Variants in PLCL1 observed in about 807,000 individuals in gnomAD.
PLCL1 encodes phospholipase C like 1 (inactive), also known as inactive phospholipase C-like protein 1.
Under a neutral mutation model 84.4 loss-of-function variants are expected in PLCL1, and 41 were observed. That is an observed-to-expected ratio of 0.49 (90% CI 0.38 to 0.63). The LOEUF is 0.63. Among genes scored for constraint, PLCL1 ranks in the 30% least tolerant of loss-of-function variants. PLCL1 has a pLI of 0.00. For missense variants in PLCL1, 1,206 were observed against 1,367.8 expected, an observed-to-expected ratio of 0.88 and a Z score of 1.87; for synonymous variants, 490 against 488.3, an observed-to-expected ratio of 1.00 and a Z score of -0.05.
chr2:198,054,434 C>T (rs1692014526), intron 1 of PLCL1, among the ~76,000 whole-genome samples: 1 of 152,214 alleles, frequency 6.6e-6, no homozygotes, highest in African/African-American at 2.4e-5. Context: ...GGCGACAAGA[C>T]AAGTCTTAAC....
chr2:197,834,424 A>T (rs1691137194), intron 1 of PLCL1, among the ~76,000 whole-genome samples: 2 of 152,254 alleles, frequency 1.3e-5, no homozygotes, highest in African/African-American at 4.8e-5. Context: ...GCTAATATCC[A>T]GAATCTACAA....
intron 1 of PLCL1, among the ~76,000 whole-genome samples, chr2:197,896,355 T>C (rs962551950): frequency 3.3e-5 from 5 of 151,926 alleles, no homozygotes; most frequent in African/African-American, 1.2e-4. Context: ...GTAGTATAAA[T>C]AAAAAACAAA....
chr2:197,980,433 T>C (rs150460452), intron 1 of PLCL1, among the ~76,000 whole-genome samples: 190 of 152,344 alleles, frequency 1.2e-3, no homozygotes, highest in African/African-American at 4.2e-3. Context: ...TATCATATTG[T>C]ATATCTGGTG....
rs559908769 is a variant in PLCL1, at chr2:198,119,221, T to C, written c.3105+15285T>C. On this transcript the variant is annotated intron_variant, in intron 5 of 5. Coordinates refer to ENST00000428675, the MANE Select transcript of PLCL1 (RefSeq NM_006226.4). ...TCAAATCTAATACATCCTTCTTGTGTAAGAAAATTTAATTAAATTCATTTA... is the reference window on the plus strand; with the variant it reads ...TCAAATCTAATACATCCTTCTTGTGCAAGAAAATTTAATTAAATTCATTTA... 2.3e-5 allele frequency among the ~76,000 whole-genome samples: 3 copies of C among 130,794 alleles called. No individual in the cohort carries two copies. The East Asian group carries it at 7.5e-4, about 32-fold the overall frequency. 85.8% of individuals were successfully genotyped at this position (130,794 alleles called of 152,430 possible).
At position 198,089,583 on chromosome 2, in the gene PLCL1, T is replaced by A. The variant is rs13416760; in HGVS notation, c.2919+522T>A. On this transcript the variant is annotated intron_variant, in intron 3 of 5. Transcript: ENST00000428675. ...AGATGTAAGACATAGCTTCTTCCTT[T>A]AAGGACGTTTCTCTGGAATAGAATA... Among the ~76,000 whole-genome samples the A allele has an allele frequency of 9.0e-3, 1,373 of 152,326 alleles. 25 individuals carry two copies. Among genetic ancestry groups the A allele is most frequent in the African/African-American group, 0.031 (1,285 of 41,562 alleles).
intron 1 of PLCL1, among the ~76,000 whole-genome samples, chr2:197,956,900 GC>G (rs1305871865): frequency 4.6e-5 from 7 of 151,972 alleles, no homozygotes; most frequent in African/African-American, 1.4e-4. Flanking sequence ...AATTTTCTTT[GC>G]TATGCAGAAG....
intron 1 of PLCL1, among the ~76,000 whole-genome samples, chr2:197,966,993 G>C (rs1574973482): frequency 6.6e-6 from 1 of 150,510 alleles, no homozygotes; most frequent in Non-Finnish European, 1.5e-5. Context: ...TTTTAAATCT[G>C]CCTGGGCCCT....
intron 1 of PLCL1, among the ~76,000 whole-genome samples, chr2:197,830,393 G>A (rs563279749): frequency 1.2e-4 from 18 of 151,730 alleles, no homozygotes; most frequent in African/African-American, 3.6e-4. Flanking sequence ...ATCACTAGCC[G>A]AATCGATCAA....
At chr2:197,831,354 A>G (rs1372791599) in intron 1 of PLCL1, among the ~76,000 whole-genome samples, 2 of 152,106 alleles carry the variant, frequency 1.3e-5, no homozygotes, top group African/African-American at 2.4e-5. Context: ...GGAAAAAAAA[A>G]GCAGGGGTGG....
intron 1 of PLCL1, among the ~76,000 whole-genome samples, chr2:197,996,761 A>G (rs1361122159): frequency 6.6e-6 from 1 of 152,198 alleles, no homozygotes; most frequent in Non-Finnish European, 1.5e-5. Context: ...AATCAGCTGA[A>G]CAAATCACTA....
At chr2:197,922,886 G>T (rs1184968378) in intron 1 of PLCL1, among the ~76,000 whole-genome samples, 1 of 132,674 alleles carries the variant, frequency 7.5e-6, no homozygotes. Flanking sequence ...CAGACGGGGC[G>T]GCTGGCCGGG....
chr2:197,850,337 T>C (rs1000501446), intron 1 of PLCL1, among the ~76,000 whole-genome samples: 1 of 152,178 alleles, frequency 6.6e-6, no homozygotes, highest in Admixed American at 6.5e-5. Context: ...GTGAGCTAAG[T>C]GCTTTTTGGA....
intron 1 of PLCL1, among the ~76,000 whole-genome samples, chr2:197,806,403 T>G (rs976364296): frequency 2.0e-5 from 3 of 152,238 alleles, no homozygotes; most frequent in Non-Finnish European, 4.4e-5. Flanking sequence ...AGGGTTAAGC[T>G]GCGTAACCAG....
At chr2:198,096,447 T>C (rs1385031397) in intron 3 of PLCL1, among the ~76,000 whole-genome samples, 1 of 152,188 alleles carries the variant, frequency 6.6e-6, no homozygotes, top group Non-Finnish European at 1.5e-5. Context: ...TTTCATGCAG[T>C]CAAGAAGTAT....
At chr2:198,119,047 G>A (rs1371242408) in intron 5 of PLCL1, among the ~76,000 whole-genome samples, 3 of 151,944 alleles carry the variant, frequency 2.0e-5, no homozygotes, top group African/African-American at 7.2e-5. Flanking sequence ...AGAATCCAGA[G>A]TATTACATAC....
intron 3 of PLCL1, among the ~76,000 whole-genome samples, chr2:198,090,770 C>A (rs1693007372): frequency 6.6e-6 from 1 of 152,180 alleles, no homozygotes; most frequent in South Asian, 2.1e-4. Context: ...CAGTAGAAAT[C>A]ACTTATTCCT....
In PLCL1 at chr2:198,084,859, G is replaced by C. The variant is rs1448689170; in HGVS notation, c.1342G>C (p.Asp448His). The change falls in exon 2 of 6, where the codon GAT becomes CAT. Residue 448 changes from aspartate (D) to histidine (H), a missense_variant. Transcript: ENST00000428675. Reference protein sequence around the residue: ...GCRSVELDVSDGSDNEPILCN... With the variant: ...GCRSVELDVSHGSDNEPILCN... ...TCGAAGCGTTGAACTCGATGTAAGT[G>C]ATGGTTCAGATAATGAACCAATCCT... The C allele has an allele frequency of 6.2e-7, 1 of 1,613,958 alleles. No individual in the cohort carries two copies. Among genetic ancestry groups the C allele is most frequent in the Admixed American group, 1.7e-5 (1 of 59,982 alleles).
At chr2:198,025,192 C>T (rs902100045) in intron 1 of PLCL1, among the ~76,000 whole-genome samples, 24 of 151,992 alleles carry the variant, frequency 1.6e-4, no homozygotes, top group Non-Finnish European at 3.1e-4. Flanking sequence ...TTCTCTATAC[C>T]CTTTTAACAA....
chr2:198,050,940 G>A (rs762593179), intron 1 of PLCL1, among the ~76,000 whole-genome samples: 13 of 152,148 alleles, frequency 8.5e-5, no homozygotes, highest in South Asian at 2.1e-4. Flanking sequence ...TTGGGTTTCC[G>A]CAAATGGTCA....
Sources: allele counts gnomAD v4.1 joint callset (sites outside exome capture counted in the v4.1 genomes callset), GRCh38; gene constraint gnomAD v4.1.1; transcripts MANE v1.5; gene names NCBI Gene and HGNC (gene_info 2026-07-23, HGNC 2026-07-21).